Variants in ZFHX4 observed in about 807,000 individuals in gnomAD.
ZFHX4 encodes the protein zinc finger homeobox protein 4.
In ZFHX4, 56 loss-of-function variants were observed where a neutral mutation model predicts 267.6. The ratio of observed to expected loss-of-function variants is 0.21; its 90% CI spans 0.17 to 0.26. The LOEUF is 0.26. ZFHX4 is among the 10% of genes least tolerant of loss of function. The pLI is 1.00. For missense variants in ZFHX4, 4,332 were observed against 4,420.0 expected (o/e 0.98, Z 0.56); for synonymous variants, 1,778 against 1,665.6 (o/e 1.07, Z -1.64).
In ZFHX4 at chr8:76,822,974, A is replaced by G. The variant is rs181604574; in HGVS notation, c.3326-10364A>G. ...ATGTTTACTAAACCTCTCTACTCAA[A>G]TTCATGTTCAAAATTGAGCTTATCA... On this transcript the variant is annotated intron_variant, in intron 4 of 10. Coordinates refer to ENST00000651372, the MANE Select transcript of ZFHX4 (RefSeq NM_024721.5). Among the ~76,000 whole-genome samples the G allele has an allele frequency of 4.2e-3, 643 of 152,230 alleles. 4 individuals are homozygous for G. Among genetic ancestry groups the G allele is most frequent in the African/African-American group, 0.015 (605 of 41,508 alleles).
chr8:76,855,699 G>A lies in ZFHX4; in HGVS notation c.8778G>A (p.Arg2926=). 1 of 1,613,832 alleles carries A rather than the reference G, an allele frequency of 6.2e-7. No individual in the cohort carries two copies. Among genetic ancestry groups the A allele is most frequent in the Non-Finnish European group, 8.5e-7 (1 of 1,179,840 alleles). The part of the protein sequence containing the change: ...SNPFKSKSND[R]PGHKRFRTQM... ...CCTTTAAATCCAAAAGTAATGATCG[G>A]CCGGGTCACAAGCGTTTTCGAACGC... Residue 2926 remains arginine (R), a synonymous_variant, in exon 10 of 11, where the codon CGG becomes CGA. Transcript: ENST00000651372.
At chr8:76,794,609 A>T (rs1336304064) in intron 4 of ZFHX4, among the ~76,000 whole-genome samples, 1 of 152,136 alleles carries the variant, frequency 6.6e-6, no homozygotes, top group Non-Finnish European at 1.5e-5. Flanking sequence ...CAAGCTGAAA[A>T]TGTGTTCTAT....
chr8:76,704,827 G>A lies in ZFHX4; in HGVS notation c.739G>A (p.Ala247Thr). ...AGACTATCTAACCAGTGATGGCTCA[G>A]CCAAAAACTCCTGTGTGTCCAAAGA... ...EKDYLTSDGS[A>T]KNSCVSKDVP... The change falls in exon 2 of 11, where the codon GCC becomes ACC. Residue 247 changes from alanine (A) to threonine (T), a missense_variant. By Grantham distance (58) the Ala-to-Thr change is moderately conservative. Around this residue, in one of 7 missense-constraint regions of ZFHX4, gnomAD observed 1,195 missense variants for 1,173.6 expected, o/e 1.02. Transcript: ENST00000651372. 6.2e-7 allele frequency: 1 copy of A among 1,614,150 alleles called. No individual in the cohort carries two copies. Among genetic ancestry groups the A allele is most frequent in the Non-Finnish European group, 8.5e-7 (1 of 1,180,016 alleles).
chr8:76,721,601 C>T (rs1027761881), intron 3 of ZFHX4, among the ~76,000 whole-genome samples: 10 of 152,122 alleles, frequency 6.6e-5, no homozygotes, highest in Non-Finnish European at 5.9e-5. Flanking sequence ...TTTGTAAGGA[C>T]ATTTTTAGTG....
At chr8:76,849,845 A>C in intron 8 of ZFHX4, 133 bp downstream of exon 8, 2 of 1,011,476 alleles carry the variant, frequency 2.0e-6, no homozygotes, top group Admixed American at 2.2e-5. Context: ...CTCGTGTTAT[A>C]GTAGTCACAC....
chr8:76,854,480 A>G lies in ZFHX4; in HGVS notation c.7559A>G (p.Gln2520Arg). ...EHQHMHFLAA[Q>R]NQFLHSPFLE... The stretch of plus-strand genomic sequence containing the variant: ...CAGCACATGCACTTCCTTGCTGCTC[A>G]AAACCAATTCCTTCACTCTCCGTTC... Residue 2520 changes from glutamine (Q) to arginine (R), a missense_variant, in exon 10 of 11, where the codon CAA becomes CGA. Physicochemically the swap from Gln to Arg is conservative, Grantham distance 43. This residue lies in a region of ZFHX4 where 1,648 missense variants were observed against 1,625.0 expected (regional missense o/e 1.01). Transcript: ENST00000651372. 1.2e-6 allele frequency: 2 copies of G among 1,613,870 alleles called. No individual in the cohort carries two copies. Among genetic ancestry groups the G allele is most frequent in the African/African-American group, 2.7e-5 (2 of 75,008 alleles).
chr8:76,705,860 A>G lies in ZFHX4; in HGVS notation c.1772A>G (p.His591Arg). 6.2e-7 allele frequency: 1 copy of G among 1,613,858 alleles called. No homozygotes were observed. Among genetic ancestry groups the G allele is most frequent in the South Asian group, 1.1e-5 (1 of 91,062 alleles). Residue 591 changes from histidine to arginine, a missense_variant, in exon 2 of 11, where the codon CAT becomes CGT. Around this residue, in one of 7 missense-constraint regions of ZFHX4, gnomAD observed 1,195 missense variants for 1,173.6 expected, o/e 1.02. Transcript: ENST00000651372. ...GACAGTTCAGCCACTCCTCACCAGC[A>G]TGGCTTTACCCCGAGTACTCCTGGC... ...DEDSSATPHQ[H>R]GFTPSTPGTP...
chr8:76,808,014 C>A (rs1160884315), intron 4 of ZFHX4, among the ~76,000 whole-genome samples: 3 of 151,948 alleles, frequency 2.0e-5, no homozygotes, highest in African/African-American at 7.2e-5. Context: ...TTGTGTGGTT[C>A]CCTTGCAATG....
In ZFHX4 at chr8:76,852,284, T is replaced by C. The variant is rs1364735296; in HGVS notation, c.5363T>C (p.Val1788Ala). 1 of 1,571,230 alleles carries C rather than the reference T, an allele frequency of 6.4e-7. No homozygotes were observed. Among genetic ancestry groups the C allele is most frequent in the Non-Finnish European group, 8.6e-7 (1 of 1,156,982 alleles). The part of the protein sequence containing the change: ...LKQQIQTQHH[V>A]GQTQLQILQQ... ...CAGCAGATTCAAACCCAACATCACG[T>C]TGGTCAAACTCAACTCCAGATACTA... The change falls in exon 10 of 11, where the codon GTT becomes GCT. Residue 1788 changes from valine (V) to alanine (A), a missense_variant. Val to Ala is a moderately conservative substitution (Grantham distance 64, BLOSUM62 0). Coordinates refer to ENST00000651372, the MANE Select transcript of ZFHX4 (RefSeq NM_024721.5).
At chr8:76,740,409 G>GATGGGTGCACC (rs1174359372) in intron 3 of ZFHX4, among the ~76,000 whole-genome samples, 2 of 151,918 alleles carry the variant, frequency 1.3e-5, no homozygotes, top group African/African-American at 2.4e-5. Flanking sequence ...CTGCTTGGGA[G>GATGGGTGCACC]ATGGGTGCAC....
At chr8:76,720,234 G>C (rs945454732) in intron 3 of ZFHX4, among the ~76,000 whole-genome samples, 1 of 152,042 alleles carries the variant, frequency 6.6e-6, no homozygotes, top group African/African-American at 2.4e-5. Context: ...AGATTTGCCT[G>C]TTCTGGACAT....
At chr8:76,774,334 G>A (rs1810349878) in intron 3 of ZFHX4, among the ~76,000 whole-genome samples, 1 of 152,102 alleles carries the variant, frequency 6.6e-6, no homozygotes, top group East Asian at 1.9e-4. Context: ...CCAGGTTTGT[G>A]AATCTTTTTC....
intron 4 of ZFHX4, among the ~76,000 whole-genome samples, chr8:76,819,013 A>G (rs1187527619): frequency 2.6e-5 from 4 of 152,288 alleles, no homozygotes; most frequent in South Asian, 2.1e-4. Flanking sequence ...CTTGGTGACT[A>G]TAGAAAACTT....
intron 3 of ZFHX4, among the ~76,000 whole-genome samples, chr8:76,752,353 A>T (rs1307503358): frequency 1.3e-5 from 2 of 151,618 alleles, no homozygotes; most frequent in Non-Finnish European, 2.9e-5. Flanking sequence ...AAAACAACAC[A>T]CATATGGGCC....
chr8:76,813,695 A>G (rs1383511176), intron 4 of ZFHX4, among the ~76,000 whole-genome samples: 3 of 151,596 alleles, frequency 2.0e-5, no homozygotes, highest in East Asian at 3.9e-4. Context: ...TACAGAAACA[A>G]TGGATGTTCT....
intron 4 of ZFHX4, among the ~76,000 whole-genome samples, chr8:76,811,562 T>C (rs1402393631): frequency 2.0e-5 from 3 of 152,192 alleles, no homozygotes; most frequent in Non-Finnish European, 4.4e-5. Context: ...AAACTACTGA[T>C]GTTATGTGTT....
intron 4 of ZFHX4, among the ~76,000 whole-genome samples, chr8:76,804,213 C>T (rs913663916): frequency 9.2e-5 from 14 of 151,916 alleles, no homozygotes; most frequent in African/African-American, 3.4e-4. Flanking sequence ...ATGGAAGCAA[C>T]GTGAGGAAAA....
Position 76,856,261 on chromosome 8 carries a change from G to C in ZFHX4, c.9340G>C (p.Gly3114Arg), listed in dbSNP as rs1345541167. The change falls in exon 10 of 11, where the codon GGT becomes CGT. Residue 3114 changes from glycine (G) to arginine (R), a missense_variant. Physicochemically the swap from Gly to Arg is moderately radical, Grantham distance 125. This residue lies in a region of ZFHX4 where 1,648 missense variants were observed against 1,625.0 expected (regional missense o/e 1.01). Transcript: ENST00000651372. The part of the protein sequence containing the change: ...LPPVLLPGMN[G>R]PSSLPGFPQN... ...TCCAGTCCTTCTCCCCGGAATGAAC[G>C]GTCCATCCTCCTTGCCGGGATTTCC... 1 of 1,613,846 alleles carries C rather than the reference G, an allele frequency of 6.2e-7. No individual in the cohort carries two copies. Among genetic ancestry groups the C allele is most frequent in the East Asian group, 2.2e-5 (1 of 44,846 alleles).
chr8:76,755,273 T>C (rs1352622990), intron 3 of ZFHX4, among the ~76,000 whole-genome samples: 2 of 152,190 alleles, frequency 1.3e-5, no homozygotes, highest in Non-Finnish European at 2.9e-5. Context: ...TTACCCAGTT[T>C]CTTTGTTGGT....
Sources: allele counts gnomAD v4.1 joint callset (sites outside exome capture counted in the v4.1 genomes callset), GRCh38; gene constraint gnomAD v4.1.1; regional missense constraint gnomAD v4.1.1; transcripts MANE v1.5; gene names NCBI Gene and HGNC (gene_info 2026-07-23, HGNC 2026-07-21).